The following LSAMP variants were observed in gnomAD, a reference collection of about 807,000 sequenced individuals.
LSAMP encodes the protein limbic system-associated membrane protein.
Under a neutral mutation model 38.6 loss-of-function variants are expected in LSAMP, and 7 were observed. That is an observed-to-expected ratio of 0.18 (90% CI 0.10 to 0.34). The LOEUF (loss-of-function observed/expected upper bound fraction) is 0.34. Among genes scored for constraint, LSAMP ranks in the 10% least tolerant of loss-of-function variants. The pLI is 1.00. For synonymous variants in LSAMP, 154 were observed against 166.8 expected (o/e 0.92, Z 0.59); for missense variants, 313 against 420.0 (o/e 0.75, Z 2.23).
intron 3 of LSAMP, among the ~76,000 whole-genome samples, chr3:115,945,171 C>T (rs895798885): frequency 1.3e-5 from 2 of 152,044 alleles, no homozygotes; most frequent in African/African-American, 2.4e-5. Context: ...GCTCACATAC[C>T]TTCCCTTATT....
intron 1 of LSAMP, among the ~76,000 whole-genome samples, chr3:116,416,795 T>G (rs1315772606): frequency 8.4e-6 from 1 of 118,350 alleles, no homozygotes; most frequent in Non-Finnish European, 2.1e-5. Flanking sequence ...GGGCAGAGAC[T>G]TCTTCTTCTT....
rs2049487913 is a variant in LSAMP at position 116,444,878 on chromosome 3, T to C, written c.154A>G (p.Arg52Gly). 6.2e-7 allele frequency: 1 copy of C among 1,613,770 alleles called. No homozygotes were observed. The highest frequency in any genetic ancestry group is 1.3e-5 in the African/African-American group (1 of 74,832). Residue 52 changes from arginine to glycine, a missense_variant and splice_region_variant, in exon 1 of 7, where the codon AGG (arginine) becomes GGG (glycine). By Grantham distance (125) the Arg-to-Gly change is moderately radical. Transcript: ENST00000490035. Reference sequence around the variant, plus strand: ...AGAAAAGTTGCCCGAAAGCCCTACCTGAGGATGGCTGTGTCCCCCTGCCTC... The same window carrying C: ...AGAAAAGTTGCCCGAAAGCCCTACCCGAGGATGGCTGTGTCCCCCTGCCTC... The part of the protein sequence containing the change: ...TVRQGDTAIL[R>G]CVVEDKNSKV...
intron 1 of LSAMP, among the ~76,000 whole-genome samples, chr3:116,104,563 T>C (rs1708419491): frequency 6.6e-6 from 1 of 152,186 alleles, no homozygotes; most frequent in African/African-American, 2.4e-5. Context: ...TGACCCTTTC[T>C]ATTATATCAT....
At chr3:116,306,960 C>T (rs2047492882) in intron 1 of LSAMP, among the ~76,000 whole-genome samples, 1 of 151,890 alleles carries the variant, frequency 6.6e-6, no homozygotes, top group Admixed American at 6.6e-5. Context: ...AACTCATTGT[C>T]AATCTAAAGT....
At chr3:115,814,427 G>A (rs1189753179) in intron 6 of LSAMP, among the ~76,000 whole-genome samples, 1 of 152,178 alleles carries the variant, frequency 6.6e-6, no homozygotes, top group Non-Finnish European at 1.5e-5. Context: ...CAAGTCTCTA[G>A]ACTATAAATT....
chr3:116,322,362 T>G (rs1021041488), intron 1 of LSAMP, among the ~76,000 whole-genome samples: 1 of 152,196 alleles, frequency 6.6e-6, no homozygotes, highest in African/African-American at 2.4e-5. Context: ...AAAATAGGCC[T>G]GCTTATTCAA....
In LSAMP at chr3:116,303,080, A is replaced by C. The variant is rs368989119; in HGVS notation, c.155+141797T>G. 2.0e-5 allele frequency among the ~76,000 whole-genome samples: 3 copies of C among 151,478 alleles called. No individual in the cohort carries two copies. In the East Asian group the frequency reaches 5.8e-4, roughly 29 times the overall value. ...TTTTTGAACTATGAAATTAATGTGC[A>C]CCCATGAATGCCAAAAAAATGAAAT... On this transcript the variant is annotated intron_variant, in intron 1 of 6. Transcript: ENST00000490035.
chr3:116,409,841 A>T (rs909424524), intron 1 of LSAMP, among the ~76,000 whole-genome samples: 1 of 152,120 alleles, frequency 6.6e-6, no homozygotes, highest in African/African-American at 2.4e-5. Flanking sequence ...AGCTGAATTG[A>T]AGAAGAAAGA....
intron 1 of LSAMP, among the ~76,000 whole-genome samples, chr3:116,102,384 T>A (rs1462552485): frequency 6.6e-6 from 1 of 152,124 alleles, no homozygotes; most frequent in Non-Finnish European, 1.5e-5. Context: ...AAACTTAGAA[T>A]GAGATTAATT....
intron 1 of LSAMP, among the ~76,000 whole-genome samples, chr3:116,358,476 G>A (rs895303113): frequency 6.6e-6 from 1 of 152,034 alleles, no homozygotes; most frequent in African/African-American, 2.4e-5. Flanking sequence ...CATACAAAAA[G>A]GAATGACCTA....
chr3:116,107,570 G>A (rs140463132), intron 1 of LSAMP, among the ~76,000 whole-genome samples: 1,719 of 152,246 alleles, frequency 0.011, 30 homozygotes, highest in African/African-American at 0.037. Flanking sequence ...GAGATTAATC[G>A]GACAGGATCA....
chr3:116,412,078 A>C (rs1449742433), intron 1 of LSAMP, among the ~76,000 whole-genome samples: 1 of 152,048 alleles, frequency 6.6e-6, no homozygotes, highest in Non-Finnish European at 1.5e-5. Flanking sequence ...AGTCCATTAT[A>C]TCAAGAGAAA....
At position 116,309,745 on chromosome 3, in the gene LSAMP, T is replaced by C. The variant is rs148891258; in HGVS notation, c.155+135132A>G. Among the ~76,000 whole-genome samples, 23 of 152,260 alleles carry C rather than the reference T, an allele frequency of 1.5e-4. No individual in the cohort carries two copies. The East Asian group carries it at 4.3e-3, about 28-fold the overall frequency. ...AGAACATTATAATTAGAGGTTGATT[T>C]AGGGGGCCTAGAATCAGAACAAGGA... On this transcript the variant is annotated intron_variant, in intron 1 of 6. Coordinates refer to ENST00000490035, the MANE Select transcript of LSAMP (RefSeq NM_002338.5).
intron 6 of LSAMP, among the ~76,000 whole-genome samples, chr3:115,820,915 G>GTCC (rs1290506895): frequency 2.0e-5 from 3 of 152,160 alleles, no homozygotes; most frequent in Non-Finnish European, 2.9e-5. Context: ...GGGCCAGGAG[G>GTCC]TCCTTGCCTT....
At chr3:116,016,435 G>C (rs979334010) in intron 3 of LSAMP, among the ~76,000 whole-genome samples, 2 of 152,164 alleles carry the variant, frequency 1.3e-5, no homozygotes, top group Non-Finnish European at 2.9e-5. Context: ...AGTGGGCCTA[G>C]ATAGAAGACT....
intron 2 of LSAMP, among the ~76,000 whole-genome samples, chr3:116,049,025 T>C (rs1941343715): frequency 6.6e-6 from 1 of 152,154 alleles, no homozygotes; most frequent in South Asian, 2.1e-4. Context: ...ACTATAGAAG[T>C]TCAGTGGAGA....
intron 3 of LSAMP, among the ~76,000 whole-genome samples, chr3:115,885,419 C>G (rs1031925281): frequency 1.3e-5 from 2 of 151,902 alleles, no homozygotes; most frequent in Non-Finnish European, 2.9e-5. Context: ...TCTCAGTTCC[C>G]TTCTATATTA....
chr3:116,397,708 T>C (rs2048787093), intron 1 of LSAMP, among the ~76,000 whole-genome samples: 1 of 151,472 alleles, frequency 6.6e-6, no homozygotes, highest in Non-Finnish European at 1.5e-5. Flanking sequence ...AAAGTGAATA[T>C]AGTAGAAAAT....
intron 1 of LSAMP, among the ~76,000 whole-genome samples, chr3:116,210,761 T>A (rs1252146012): frequency 1.3e-5 from 2 of 152,088 alleles, no homozygotes; most frequent in African/African-American, 2.4e-5. Flanking sequence ...TACACAAATA[T>A]AGGCCAGAAG....
Sources: gnomAD v4.1 joint callset for allele counts (sites outside exome capture counted in the v4.1 genomes callset) on GRCh38, gnomAD v4.1.1 for gene constraint, MANE v1.5 for transcripts, NCBI Gene and HGNC (gene_info 2026-07-23, HGNC 2026-07-21) for gene names.